Variants in SELP observed in about 807,000 individuals in gnomAD.
SELP encodes selectin P.
SELP carries 92 observed loss-of-function variants against 104.1 expected under a neutral mutation model. The ratio of observed to expected loss-of-function variants is 0.88; its 90% CI spans 0.75 to 1.05. SELP has a LOEUF of 1.05. Among genes scored for constraint, SELP ranks in the 50% least tolerant of loss-of-function variants. SELP has a pLI of 0.00. For synonymous variants in SELP, 397 were observed against 364.5 expected (o/e 1.09, Z -1.01); for missense variants, 1,022 against 1,017.3 (o/e 1.00, Z -0.06).
At chr1:169,598,587 A>C (rs1443678219) in intron 10 of SELP, among the ~76,000 whole-genome samples, 3 of 152,258 alleles carry the variant, frequency 2.0e-5, no homozygotes, top group Non-Finnish European at 4.4e-5. Context: ...AAATCAATTT[A>C]CTAAACCTTT....
rs1557960434 is a variant in SELP, at chr1:169,609,615, A to G, written c.1222T>C (p.Tyr408His). The G allele has an allele frequency of 3.7e-6, 6 of 1,614,046 alleles. No homozygotes were observed. Among genetic ancestry groups the G allele is most frequent in the Non-Finnish European group, 4.2e-6 (5 of 1,179,958 alleles). Residue 408 changes from tyrosine (Y) to histidine (H), a missense_variant, in exon 8 of 17, where the codon TAT (tyrosine) becomes CAT (histidine). Physicochemically the swap from Tyr to His is moderately conservative, Grantham distance 83. Transcript: ENST00000263686. ...DCSPSLRAFQ[Y>H]DTNCSFRCAE... The stretch of plus-strand genomic sequence containing the variant: ...CAGCGGAAGCTACAGTTGGTGTCAT[A>G]CTGAAACGCTCTCAAGGATGGAGAG...
Position 169,613,602 on chromosome 1 carries a change from C to G in SELP, c.573G>C (p.Gly191=). Residue 191 remains glycine, a synonymous_variant, in exon 4 of 17, where the codon GGG becomes GGC. Transcript: ENST00000263686. ...YTCSCYPGFY[G]PECEYVRECG... ...AAGCCTCACCGTATTCACATTCTGG[C>G]CCATAGAATCCAGGGTAACAGGAGC... is the stretch of plus-strand genomic sequence containing the variant. 1 of 1,613,680 alleles carries G rather than the reference C, an allele frequency of 6.2e-7. No homozygotes were observed. Among genetic ancestry groups the G allele is most frequent in the South Asian group, 1.1e-5 (1 of 91,078 alleles).
At chr1:169,627,868 C>T (rs1663453097) in intron 1 of SELP, among the ~76,000 whole-genome samples, 1 of 152,118 alleles carries the variant, frequency 6.6e-6, no homozygotes. Flanking sequence ...GACGAAAATC[C>T]AGACCTGCTC....
rs759711456 is a variant in SELP, at chr1:169,612,265, G to GC, written c.912dup (p.Gln305AlafsTer16). 6.2e-7 allele frequency: 1 copy of GC among 1,614,150 alleles called. No homozygotes were observed. On this transcript the variant is annotated frameshift_variant, in exon 6 of 17. Coordinates refer to ENST00000263686, the MANE Select transcript of SELP (RefSeq NM_003005.4). LOFTEE classifies it high-confidence loss of function. ...GTCCATACCCCCGAGGCTGTGCATT[G>GC]CACCACTTCCGGTCCAACTAATGCA...
intron 1 of SELP, among the ~76,000 whole-genome samples, chr1:169,626,213 C>G (rs1663364605): frequency 6.6e-6 from 1 of 152,120 alleles, no homozygotes; most frequent in African/African-American, 2.4e-5. Flanking sequence ...AAAATACGAG[C>G]CGGGGGTAGT....
chr1:169,595,923 AC>A lies in SELP; in HGVS notation c.2101+1del, dbSNP rs1381933036. ...AGAACTGCCTGCTCCTTTTCACCTTACCTCTGCATGCTGGAGTTACTGCTGT... is the reference window on the plus strand; with the variant it reads ...AGAACTGCCTGCTCCTTTTCACCTTACTCTGCATGCTGGAGTTACTGCTGT... On this transcript the variant is annotated splice_donor_variant, in intron 12 of 16. Transcript: ENST00000263686. LOFTEE classifies it high-confidence loss of function. 1.2e-6 allele frequency: 2 copies of A among 1,612,944 alleles called. No homozygotes were observed. Among genetic ancestry groups the A allele is most frequent in the South Asian group, 2.2e-5 (2 of 91,040 alleles).
chr1:169,593,812 T>C (rs1249482804), intron 13 of SELP, 88 bp from the exon 14 acceptor site: 9 of 1,416,534 alleles, frequency 6.4e-6, no homozygotes, highest in Non-Finnish European at 8.8e-6. Flanking sequence ...TTTCAAGAAC[T>C]CTAAGATGTG....
At chr1:169,595,473 A>G (rs1661559119) in intron 12 of SELP, among the ~76,000 whole-genome samples, 1 of 152,182 alleles carries the variant, frequency 6.6e-6, no homozygotes, top group Admixed American at 6.5e-5. Flanking sequence ...TACAAAAATG[A>G]AAGAAACATA....
At position 169,597,056 on chromosome 1, in the gene SELP, T is replaced by A; in HGVS notation, c.1826A>T (p.Glu609Val). ...HFSCDNGFKL[E>V]GPNNVECTTS... ...TGTGCATTCCACATTATTGGGCCCCTCCAGCTTAAAGCCGTTGTCACAAGA... is the reference window on the plus strand; with the variant it reads ...TGTGCATTCCACATTATTGGGCCCCACCAGCTTAAAGCCGTTGTCACAAGA... Residue 609 changes from glutamate (E) to valine (V), a missense_variant, in exon 11 of 17, where the codon GAG becomes GTG. Glu to Val is a moderately radical substitution (Grantham distance 121). Coordinates refer to ENST00000263686, the MANE Select transcript of SELP (RefSeq NM_003005.4). 6.2e-7 allele frequency: 1 copy of A among 1,613,270 alleles called. No homozygotes were observed. Among genetic ancestry groups the A allele is most frequent in the Non-Finnish European group, 8.5e-7 (1 of 1,179,520 alleles).
intron 12 of SELP, among the ~76,000 whole-genome samples, chr1:169,595,464 A>G (rs1661558771): frequency 6.6e-6 from 1 of 152,258 alleles, no homozygotes. Flanking sequence ...TGTGGGGGAT[A>G]CAAAAATGAA....
Position 169,593,678 on chromosome 1 carries a change from C to A in SELP, c.2334G>T (p.Ala778=), listed in dbSNP as rs140303776. ...TTATCAGACCTATCGTAGAAGCCAC[C>A]GCTCCACCAAAGTAAGTCAGGGCTT... The part of the protein sequence containing the change: ...IQEALTYFGG[A]VASTIGLIMG... The change falls in exon 14 of 17, where the codon GCG becomes GCT. Residue 778 remains alanine, a synonymous_variant. Coordinates refer to ENST00000263686, the MANE Select transcript of SELP (RefSeq NM_003005.4). 4.9e-4 allele frequency: 793 copies of A among 1,613,204 alleles called. 2 individuals carry two copies. Among genetic ancestry groups the A allele is most frequent in the Non-Finnish European group, 6.5e-4 (766 of 1,179,444 alleles).
At position 169,629,715 on chromosome 1, in the gene SELP, A is replaced by G. The variant is rs116854310; in HGVS notation, c.3+357T>C. Among the ~76,000 whole-genome samples, 17 of 152,344 alleles carry G rather than the reference A, an allele frequency of 1.1e-4. No individual in the cohort carries two copies. In the East Asian group the frequency reaches 2.9e-3, roughly 26 times the overall value. ...TGGGGTGACAGGTTTACCATGATCTATTCTCAGAGAGCCCCTATAAATTCT... is the reference window on the plus strand; with the variant it reads ...TGGGGTGACAGGTTTACCATGATCTGTTCTCAGAGAGCCCCTATAAATTCT... On this transcript the variant is annotated intron_variant, in intron 1 of 16. Transcript: ENST00000263686.
intron 1 of SELP, 79 bp from the exon 2 acceptor site, chr1:169,619,298 TTA>T (rs1465396128): frequency 3.8e-6 from 4 of 1,064,082 alleles, no homozygotes; most frequent in Non-Finnish European, 5.7e-6. Context: ...TTAACAATCA[TTA>T]TGTTGAAGTA....
At chr1:169,621,974 G>A (rs1663158570) in intron 1 of SELP, among the ~76,000 whole-genome samples, 1 of 152,154 alleles carries the variant, frequency 6.6e-6, no homozygotes. Context: ...TTCCCAAGGG[G>A]TTCACAAGCA....
intron 3 of SELP, 46 bp downstream of exon 3, chr1:169,616,982 G>GT (rs746205276): frequency 0.082 from 70,943 of 862,144 alleles, no homozygotes; most frequent in South Asian, 0.1. Context: ...AGAAGGCAGG[G>GT]TTTTTTTTTT....
chr1:169,620,316 A>T (rs1285998670), intron 1 of SELP, among the ~76,000 whole-genome samples: 1 of 151,930 alleles, frequency 6.6e-6, no homozygotes, highest in Non-Finnish European at 1.5e-5. Context: ...CATCTAAATA[A>T]CACGTTCAGA....
intron 1 of SELP, among the ~76,000 whole-genome samples, chr1:169,628,556 G>A (rs566938320): frequency 1.6e-4 from 24 of 152,342 alleles, no homozygotes; most frequent in East Asian, 3.9e-4. Flanking sequence ...GGAGGCAATC[G>A]AGAAGGGTTC....
rs1662882953 is a variant in SELP at position 169,617,551 on chromosome 1, A to G, written c.95-137T>C. 4 of 875,220 alleles carry G rather than the reference A, an allele frequency of 4.6e-6. No homozygotes were observed. In the East Asian group the frequency reaches 7.7e-5, roughly 17 times the overall value. 54.2% of individuals were successfully genotyped at this position (875,220 alleles called of 1,614,324 possible). A position where few individuals can be genotyped will look rare whatever the true frequency, so the allele number is the denominator to read the frequency against. On this transcript the variant is annotated intron_variant, in intron 2 of 16. Coordinates refer to ENST00000263686, the MANE Select transcript of SELP (RefSeq NM_003005.4). ...ACAAAACAACGACTAGTTTATGTCT[A>G]ATGTAGTTGTTTGAAGGAAAAAGAG...
intron 3 of SELP, among the ~76,000 whole-genome samples, chr1:169,615,605 A>G (rs1662771290): frequency 6.6e-6 from 1 of 152,204 alleles, no homozygotes; most frequent in Non-Finnish European, 1.5e-5. Flanking sequence ...GGCATAGCCC[A>G]GAAAGGGGTA....
Sources: allele counts gnomAD v4.1 joint callset (sites outside exome capture counted in the v4.1 genomes callset), GRCh38; gene constraint gnomAD v4.1.1; transcripts MANE v1.5; gene names NCBI Gene and HGNC (gene_info 2026-07-23, HGNC 2026-07-21).